The following NCKAP5 variants were observed in gnomAD, a reference collection of about 807,000 sequenced individuals.
NCKAP5 encodes NCK associated protein 5.
In NCKAP5, 92 loss-of-function variants were observed where a neutral mutation model predicts 167.0. The ratio of observed to expected loss-of-function variants is 0.55; its 90% CI spans 0.47 to 0.66. The LOEUF is 0.66. Among genes scored for constraint, NCKAP5 ranks in the 30% least tolerant of loss-of-function variants. The pLI, the probability that NCKAP5 is intolerant of heterozygous loss-of-function variation, is 0.00. For synonymous variants in NCKAP5, 891 were observed against 877.4 expected (o/e 1.02, Z -0.27); for missense variants, 2,378 against 2,315.0 (o/e 1.03, Z -0.56).
intron 11 of NCKAP5, among the ~76,000 whole-genome samples, chr2:132,845,125 G>A (rs1688567604): frequency 6.6e-6 from 1 of 152,076 alleles, no homozygotes; most frequent in Non-Finnish European, 1.5e-5. Flanking sequence ...ACTGTTAACT[G>A]TTAACTGTTT....
chr2:133,548,713 G>T lies in NCKAP5; in HGVS notation c.-62+10337C>A, dbSNP rs1380967864. 2.0e-5 allele frequency among the ~76,000 whole-genome samples: 3 copies of T among 151,808 alleles called. No individual in the cohort carries two copies. The East Asian group carries it at 5.8e-4, about 29-fold the overall frequency. ...TGTCACCACTAGGCCTGCCCTAAAA[G>T]AGCTCCTGAAGGAAGCGCTAAACAT... is the stretch of plus-strand genomic sequence containing the variant. On this transcript the variant is annotated intron_variant, in intron 2 of 19. Transcript: ENST00000409261.
intron 2 of NCKAP5, among the ~76,000 whole-genome samples, chr2:133,529,946 C>T (rs1685225433): frequency 6.6e-6 from 1 of 151,946 alleles, no homozygotes; most frequent in Non-Finnish European, 1.5e-5. Context: ...AAATATTTTC[C>T]CCCCAGTCTA....
At chr2:133,455,241 A>G (rs1285655705) in intron 3 of NCKAP5, among the ~76,000 whole-genome samples, 2 of 152,140 alleles carry the variant, frequency 1.3e-5, no homozygotes, top group African/African-American at 4.8e-5. Flanking sequence ...TGTAAAGCCT[A>G]AAATGATACA....
At chr2:133,547,539 G>C (rs1225889899) in intron 2 of NCKAP5, among the ~76,000 whole-genome samples, 1 of 151,882 alleles carries the variant, frequency 6.6e-6, no homozygotes. Context: ...CTGAGAACCG[G>C]CAGACTGCCT....
chr2:133,491,653 C>T (rs1431298207), intron 3 of NCKAP5, among the ~76,000 whole-genome samples: 1 of 152,158 alleles, frequency 6.6e-6, no homozygotes, highest in Non-Finnish European at 1.5e-5. Context: ...TTCTCCATCC[C>T]TATGAAGTGA....
intron 8 of NCKAP5, among the ~76,000 whole-genome samples, chr2:132,937,783 G>A (rs1351869812): frequency 6.6e-6 from 1 of 152,182 alleles, no homozygotes; most frequent in African/African-American, 2.4e-5. Flanking sequence ...AAACTATTGG[G>A]CTTCCACCAA....
chr2:133,519,532 C>G (rs1281174738), intron 2 of NCKAP5, among the ~76,000 whole-genome samples: 5 of 152,158 alleles, frequency 3.3e-5, no homozygotes, highest in African/African-American at 1.2e-4. Context: ...AGAACACCCT[C>G]TGCAGTGATG....
At chr2:133,099,666 A>G (rs983334639) in intron 6 of NCKAP5, among the ~76,000 whole-genome samples, 4 of 152,134 alleles carry the variant, frequency 2.6e-5, no homozygotes, top group African/African-American at 9.7e-5. Context: ...CTATATTCTC[A>G]AAAAAACCCT....
intron 3 of NCKAP5, among the ~76,000 whole-genome samples, chr2:133,458,893 C>T (rs1316919127): frequency 2.6e-5 from 4 of 152,138 alleles, no homozygotes; most frequent in African/African-American, 9.7e-5. Context: ...ATTTCATCTG[C>T]ATGTAGACAG....
At chr2:133,534,618 T>C (rs1194129962) in intron 2 of NCKAP5, among the ~76,000 whole-genome samples, 1 of 152,178 alleles carries the variant, frequency 6.6e-6, no homozygotes, top group African/African-American at 2.4e-5. Flanking sequence ...TTCTTCCACT[T>C]CGCATCATGT....
At chr2:133,209,963 G>A (rs1320866086) in intron 5 of NCKAP5, among the ~76,000 whole-genome samples, 4 of 151,856 alleles carry the variant, frequency 2.6e-5, no homozygotes, top group Admixed American at 1.3e-4. Context: ...TCAGGAGTTC[G>A]AAACCAGCCT....
At chr2:133,643,071 T>C in the NCKAP5 span, among the ~76,000 whole-genome samples, 1 of 152,228 alleles carries the variant, frequency 6.6e-6, no homozygotes, top group African/African-American at 2.4e-5. Flanking sequence ...GAAAGGAATT[T>C]ATTTTGTTGA....
At chr2:133,639,069 GAC>G in the NCKAP5 span, among the ~76,000 whole-genome samples, 1 of 152,044 alleles carries the variant, frequency 6.6e-6, no homozygotes, top group African/African-American at 2.4e-5. Context: ...ACAGATATAA[GAC>G]ACAGCATGAT....
chr2:133,055,210 C>T (rs1013205474), intron 6 of NCKAP5, among the ~76,000 whole-genome samples: 2 of 151,534 alleles, frequency 1.3e-5, no homozygotes, highest in South Asian at 4.2e-4. Context: ...AACTGTAGTC[C>T]AATCAGCCAA....
At chr2:132,794,259 TATATAGAGAGAGAGAGAGAGAG>T (rs1402951733) in intron 12 of NCKAP5, among the ~76,000 whole-genome samples, 1 of 31,712 alleles carries the variant, frequency 3.2e-5, no homozygotes, top group African/African-American at 1.1e-4. Context: ...TATATATATA[TATATAGAGAGAGAGAGAGAGAG>T]AGAGAGAGAG....
At chr2:133,392,604 G>T (rs1307401663) in intron 3 of NCKAP5, among the ~76,000 whole-genome samples, 1 of 152,058 alleles carries the variant, frequency 6.6e-6, no homozygotes, top group East Asian at 1.9e-4. Context: ...TCACAACCTA[G>T]AACAATGGCT....
In NCKAP5 at chr2:133,405,892, G is replaced by A. The variant is rs973045930; in HGVS notation, c.70-102782C>T. 2.6e-5 allele frequency among the ~76,000 whole-genome samples: 4 copies of A among 152,308 alleles called. No individual in the cohort carries two copies. The South Asian group carries it at 8.3e-4, about 32-fold the overall frequency. On this transcript the variant is annotated intron_variant, in intron 3 of 19. Coordinates refer to ENST00000409261, the MANE Select transcript of NCKAP5 (RefSeq NM_207363.3). ...GCCGTAGGCACTCAATACATAGTTG[G>A]TGAATGAATGGCAATTGTTTTCTTA...
At chr2:133,606,378 C>T in the NCKAP5 span, among the ~76,000 whole-genome samples, 1 of 152,108 alleles carries the variant, frequency 6.6e-6, no homozygotes, top group Admixed American at 6.6e-5. Context: ...CCGAACACCC[C>T]CTGAAATTGT....
At chr2:133,275,471 G>A (rs2089685913) in intron 4 of NCKAP5, among the ~76,000 whole-genome samples, 1 of 151,880 alleles carries the variant, frequency 6.6e-6, no homozygotes. Context: ...GTATGTTCTG[G>A]AAAGTATAAC....
Sources: gnomAD v4.1 joint callset for allele counts (sites outside exome capture counted in the v4.1 genomes callset) on GRCh38, gnomAD v4.1.1 for gene constraint, MANE v1.5 for transcripts, NCBI Gene and HGNC (gene_info 2026-07-23, HGNC 2026-07-21) for gene names.